Variants in GFRA1 observed in about 807,000 individuals in gnomAD.
GFRA1 encodes GDNF family receptor alpha-1.
GFRA1 carries 16 observed loss-of-function variants against 51.6 expected under a neutral mutation model. The ratio of observed to expected loss-of-function variants is 0.31; its 90% CI spans 0.21 to 0.47. GFRA1 has a LOEUF of 0.47. Among genes scored for constraint, GFRA1 ranks in the 20% least tolerant of loss-of-function variants. The pLI, the probability that GFRA1 is intolerant of heterozygous loss-of-function variation, is 1.00. For missense variants in GFRA1, 530 were observed against 594.3 expected (o/e 0.89, Z 1.13); for synonymous variants, 270 against 241.3 (o/e 1.12, Z -1.10).
At chr10:116,107,517 G>T (rs1013179548) in intron 6 of GFRA1, among the ~76,000 whole-genome samples, 2 of 152,168 alleles carry the variant, frequency 1.3e-5, no homozygotes, top group African/African-American at 4.8e-5. Context: ...TTACTCCTGT[G>T]AGTCTTCAAA....
At chr10:116,222,155 C>T (rs1189431009) in intron 4 of GFRA1, among the ~76,000 whole-genome samples, 1 of 152,086 alleles carries the variant, frequency 6.6e-6, no homozygotes, top group Non-Finnish European at 1.5e-5. Flanking sequence ...AGGCAATGCA[C>T]ATATGGGTGC....
At position 116,135,689 on chromosome 10, in the gene GFRA1, T is replaced by C. The variant is rs546169222; in HGVS notation, c.434-10132A>G. 6.6e-5 allele frequency among the ~76,000 whole-genome samples: 10 copies of C among 152,324 alleles called. No individual in the cohort carries two copies. In the East Asian group the frequency reaches 9.6e-4, roughly 15 times the overall value. On this transcript the variant is annotated intron_variant, in intron 5 of 10. Coordinates refer to ENST00000355422, the MANE Select transcript of GFRA1 (RefSeq NM_005264.8). ...TAATGTAAGATTGATTCCAAGATAA[T>C]TGAGGTCAGATTTGTTTGGAAAATG...
At chr10:116,231,521 T>A (rs1041309766) in intron 4 of GFRA1, among the ~76,000 whole-genome samples, 7 of 152,232 alleles carry the variant, frequency 4.6e-5, no homozygotes, top group Admixed American at 4.6e-4. Flanking sequence ...ATATAATCGA[T>A]ACAAAGCATT....
intron 4 of GFRA1, among the ~76,000 whole-genome samples, chr10:116,229,956 C>T (rs1966579275): frequency 6.6e-6 from 1 of 152,178 alleles, no homozygotes; most frequent in Non-Finnish European, 1.5e-5. Context: ...GCTTCCTTCT[C>T]CATGGGTTTC....
chr10:116,181,720 C>A (rs1334225057), intron 5 of GFRA1, among the ~76,000 whole-genome samples: 1 of 151,994 alleles, frequency 6.6e-6, no homozygotes, highest in Non-Finnish European at 1.5e-5. Context: ...TCACTGCAAG[C>A]TTCGCCTCCC....
rs116944701 is a variant in GFRA1, at chr10:116,237,837, C to T, written c.419-26192G>A. 9.0e-4 allele frequency among the ~76,000 whole-genome samples: 137 copies of T among 152,236 alleles called. 1 individual carries two copies. In the East Asian group the frequency reaches 0.024, roughly 26 times the overall value. ...CTTTGCCTTTGCTGGCCAAAAGCAC[C>T]AAAGCTCTGCACAAAAAGGTCACAA... On this transcript the variant is annotated intron_variant, in intron 4 of 10. Coordinates refer to ENST00000355422, the MANE Select transcript of GFRA1 (RefSeq NM_005264.8).
chr10:116,179,836 T>C (rs1038837769), intron 5 of GFRA1, among the ~76,000 whole-genome samples: 2 of 152,168 alleles, frequency 1.3e-5, no homozygotes, highest in Admixed American at 6.5e-5. Flanking sequence ...AGATGCTGTA[T>C]ACAGAGATGC....
At chr10:116,092,134 C>CAT (rs1956373934) in intron 8 of GFRA1, among the ~76,000 whole-genome samples, 1 of 146,060 alleles carries the variant, frequency 6.8e-6, no homozygotes, top group South Asian at 2.2e-4. Context: ...CACACACACA[C>CAT]ACACATTTTC....
At chr10:116,064,921 G>T (rs773737549) in intron 10 of GFRA1, among the ~76,000 whole-genome samples, 26 of 152,166 alleles carry the variant, frequency 1.7e-4, no homozygotes, top group African/African-American at 6.0e-4. Context: ...GCCTCTCCCT[G>T]CATGAGCCAG....
At chr10:116,166,684 A>G (rs1361484689) in intron 5 of GFRA1, among the ~76,000 whole-genome samples, 1 of 150,214 alleles carries the variant, frequency 6.7e-6, no homozygotes, top group Non-Finnish European at 1.5e-5. Flanking sequence ...AGTGCACTTC[A>G]GTCTCCTTTC....
At chr10:116,191,245 G>T (rs1963234768) in intron 5 of GFRA1, among the ~76,000 whole-genome samples, 1 of 152,158 alleles carries the variant, frequency 6.6e-6, no homozygotes, top group Non-Finnish European at 1.5e-5. Flanking sequence ...ATCTATAAAT[G>T]ATTCAAATTG....
intron 5 of GFRA1, among the ~76,000 whole-genome samples, chr10:116,197,485 G>GTA (rs1028478441): frequency 1.3e-5 from 2 of 152,124 alleles, no homozygotes; most frequent in Non-Finnish European, 2.9e-5. Flanking sequence ...TATTGTTTAT[G>GTA]TATATATATG....
At chr10:116,191,646 G>A (rs1480523730) in intron 5 of GFRA1, among the ~76,000 whole-genome samples, 5 of 152,184 alleles carry the variant, frequency 3.3e-5, no homozygotes, top group South Asian at 2.1e-4. Context: ...ATTTTAAAGC[G>A]AGCTAAAGCA....
intron 4 of GFRA1, among the ~76,000 whole-genome samples, chr10:116,235,564 TG>T (rs888392018): frequency 6.6e-6 from 1 of 152,026 alleles, no homozygotes; most frequent in African/African-American, 2.4e-5. Flanking sequence ...GTTGAGACTG[TG>T]GGGGGTGGTC....
intron 5 of GFRA1, among the ~76,000 whole-genome samples, chr10:116,168,728 G>A (rs905722275): frequency 6.6e-6 from 1 of 152,140 alleles, no homozygotes. Flanking sequence ...AGAGGCCATG[G>A]GCTCTGCTGA....
At chr10:116,181,347 C>T (rs555153742) in intron 5 of GFRA1, among the ~76,000 whole-genome samples, 50 of 152,266 alleles carry the variant, frequency 3.3e-4, no homozygotes, top group Middle Eastern at 3.4e-3. Context: ...GAAAAAGATG[C>T]ACCCACAGGA....
intron 5 of GFRA1, among the ~76,000 whole-genome samples, chr10:116,180,135 C>A (rs1261962989): frequency 1.3e-5 from 2 of 152,198 alleles, no homozygotes; most frequent in Non-Finnish European, 2.9e-5. Context: ...AATTCAGATA[C>A]CACCTTTTTG....
intron 4 of GFRA1, among the ~76,000 whole-genome samples, chr10:116,214,342 C>A (rs1266206860): frequency 6.6e-6 from 1 of 152,198 alleles, no homozygotes; most frequent in Non-Finnish European, 1.5e-5. Context: ...CTCCTGAGGA[C>A]AAGAGCAGTG....
At chr10:116,177,564 T>C (rs751259768) in intron 5 of GFRA1, among the ~76,000 whole-genome samples, 11 of 151,958 alleles carry the variant, frequency 7.2e-5, no homozygotes, top group South Asian at 2.1e-4. Flanking sequence ...GGTGGGTAAC[T>C]GAAACCCTGG....
Sources: allele counts gnomAD v4.1 joint callset (sites outside exome capture counted in the v4.1 genomes callset), GRCh38; gene constraint gnomAD v4.1.1; transcripts MANE v1.5; gene names NCBI Gene and HGNC (gene_info 2026-07-23, HGNC 2026-07-21).